The following CDH18 variants were observed in gnomAD, a reference collection of about 807,000 sequenced individuals.
CDH18 encodes cadherin-18.
CDH18 carries 31 observed loss-of-function variants against 67.9 expected under a neutral mutation model. The observed-to-expected ratio is 0.46, with a 90% confidence interval of 0.34 to 0.62. CDH18 has a LOEUF of 0.62. Ranked by LOEUF, CDH18 falls within the 20% of genes least tolerant of loss-of-function variation. The pLI is 0.01. For missense variants in CDH18, 890 were observed against 975.5 expected (o/e 0.91, Z 1.17); for synonymous variants, 362 against 347.2 (o/e 1.04, Z -0.48).
At chr5:19,758,861 T>G (rs1478423113) in intron 3 of CDH18, among the ~76,000 whole-genome samples, 4 of 152,232 alleles carry the variant, frequency 2.6e-5, no homozygotes, top group African/African-American at 7.2e-5. Flanking sequence ...TGCTCTTTCT[T>G]GCTCACTGGA....
intron 1 of CDH18, among the ~76,000 whole-genome samples, chr5:20,329,612 C>T (rs539095057): frequency 3.5e-4 from 53 of 151,406 alleles, no homozygotes; most frequent in African/African-American, 1.2e-3. Context: ...AAAACACACA[C>T]ACACAAAATT....
chr5:19,536,840 A>G (rs1278463022), intron 9 of CDH18, among the ~76,000 whole-genome samples: 2 of 152,170 alleles, frequency 1.3e-5, no homozygotes, highest in Admixed American at 6.5e-5. Context: ...GGAATGTAAA[A>G]TGCTGAAGAC....
chr5:19,867,182 T>G (rs1785645849), intron 2 of CDH18, among the ~76,000 whole-genome samples: 1 of 152,186 alleles, frequency 6.6e-6, no homozygotes, highest in South Asian at 2.1e-4. Flanking sequence ...ATTTAATAAT[T>G]CTACAGACTA....
intron 2 of CDH18, among the ~76,000 whole-genome samples, chr5:20,009,348 G>A (rs2150412734): frequency 6.6e-6 from 1 of 152,104 alleles, no homozygotes; most frequent in South Asian, 2.1e-4. Flanking sequence ...GTGTATTCTG[G>A]AAGATGCATT....
At chr5:20,353,774 G>T (rs1741391338) in intron 1 of CDH18, among the ~76,000 whole-genome samples, 1 of 152,134 alleles carries the variant, frequency 6.6e-6, no homozygotes, top group South Asian at 2.1e-4. Context: ...GCTATAATTT[G>T]TCTTTTCTGG....
chr5:20,078,254 G>A (rs1312022396), intron 2 of CDH18, among the ~76,000 whole-genome samples: 1 of 152,084 alleles, frequency 6.6e-6, no homozygotes, highest in Non-Finnish European at 1.5e-5. Context: ...CTGAGGTCAG[G>A]AGTTAGAGAC....
chr5:19,616,938 T>C (rs1749933396), intron 5 of CDH18, among the ~76,000 whole-genome samples: 1 of 152,126 alleles, frequency 6.6e-6, no homozygotes, highest in African/African-American at 2.4e-5. Context: ...TTTTTTAAAT[T>C]TTTTTGAGCC....
intron 4 of CDH18, among the ~76,000 whole-genome samples, chr5:19,734,582 T>C (rs541454537): frequency 1.4e-4 from 22 of 152,308 alleles, no homozygotes; most frequent in African/African-American, 5.1e-4. Flanking sequence ...AGACTCTTCC[T>C]TGTTTTGAAA....
intron 1 of CDH18, among the ~76,000 whole-genome samples, chr5:20,464,077 T>C (rs1751463607): frequency 6.6e-6 from 1 of 152,104 alleles, no homozygotes; most frequent in African/African-American, 2.4e-5. Flanking sequence ...CAGTTTAAGT[T>C]GTATTTTCTC....
chr5:19,890,612 T>TTG (rs1554058170), intron 2 of CDH18, among the ~76,000 whole-genome samples: 225 of 149,030 alleles, frequency 1.5e-3, no homozygotes, highest in East Asian at 5.4e-3. Flanking sequence ...TTTTTTTTTT[T>TTG]GAGACAAAGT....
intron 5 of CDH18, among the ~76,000 whole-genome samples, chr5:19,631,034 G>A (rs887192808): frequency 2.6e-5 from 4 of 151,670 alleles, no homozygotes; most frequent in African/African-American, 4.8e-5. Context: ...TTCAATCTTA[G>A]GGTTCCAGAG....
intron 2 of CDH18, among the ~76,000 whole-genome samples, chr5:19,936,415 C>G (rs1012462250): frequency 1.1e-4 from 17 of 151,234 alleles, no homozygotes; most frequent in Admixed American, 3.3e-4. Context: ...ACAGAAAGTC[C>G]TTTAACCTGA....
At chr5:20,557,999 A>G (rs556333714) in intron 1 of CDH18, among the ~76,000 whole-genome samples, 1 of 138,650 alleles carries the variant, frequency 7.2e-6, no homozygotes, top group African/African-American at 2.7e-5. Context: ...ATAACATTAA[A>G]TGTTATAGTT....
chr5:19,644,913 G>A (rs1386083062), intron 5 of CDH18, among the ~76,000 whole-genome samples: 1 of 152,126 alleles, frequency 6.6e-6, no homozygotes, highest in African/African-American at 2.4e-5. Context: ...CTGGCTAAAG[G>A]TGCATTCCCT....
chr5:19,554,900 A>G (rs1738115215), intron 8 of CDH18, among the ~76,000 whole-genome samples: 1 of 152,142 alleles, frequency 6.6e-6, no homozygotes, highest in African/African-American at 2.4e-5. Context: ...CTAAGGGGGA[A>G]AAAAAGCAAC....
chr5:19,685,643 C>T (rs566033488), intron 5 of CDH18, among the ~76,000 whole-genome samples: 2 of 152,290 alleles, frequency 1.3e-5, no homozygotes, highest in Admixed American at 1.3e-4. Context: ...AGGCAGCATG[C>T]CCTGGTTGGA....
intron 7 of CDH18, among the ~76,000 whole-genome samples, chr5:19,586,799 G>C (rs181145514): frequency 2.0e-5 from 3 of 152,118 alleles, no homozygotes; most frequent in African/African-American, 7.2e-5. Context: ...CTTCCAGAAC[G>C]GTTGAACTAA....
intron 1 of CDH18, chr5:20,305,090 T>C (rs1580710410): frequency 1.3e-6 from 2 of 1,573,960 alleles, no homozygotes; most frequent in East Asian, 2.2e-5. Flanking sequence ...ACCAAGGCGG[T>C]AGGGCCATTT....
intron 6 of CDH18, among the ~76,000 whole-genome samples, chr5:19,604,726 G>GC: frequency 6.6e-6 from 1 of 152,064 alleles, no homozygotes; most frequent in African/African-American, 2.4e-5. Flanking sequence ...AATAAAAAGG[G>GC]CAATTTTCCT....
Sources: gnomAD v4.1 joint callset for allele counts (sites outside exome capture counted in the v4.1 genomes callset) on GRCh38, gnomAD v4.1.1 for gene constraint, MANE v1.5 for transcripts, NCBI Gene and HGNC (gene_info 2026-07-23, HGNC 2026-07-21) for gene names.